Variants in TRRAP observed in about 807,000 individuals in gnomAD.
TRRAP encodes transformation/transcription domain associated protein.
TRRAP carries 41 observed loss-of-function variants against 438.8 expected under a neutral mutation model. That is an observed-to-expected ratio of 0.09 (90% CI 0.07 to 0.12). The LOEUF (loss-of-function observed/expected upper bound fraction) is 0.12. TRRAP is among the 10% of genes least tolerant of loss of function. The probability of loss-of-function intolerance (pLI) is 1.00; values close to 1 mark genes in which losing one functional copy is unlikely to be tolerated. For synonymous variants in TRRAP, 1,994 were observed against 1,962.9 expected (o/e 1.02, Z -0.42); for missense variants, 3,122 against 5,055.1 (o/e 0.62, Z 11.60).
At chr7:99,010,339 A>G (rs777724578) in intron 70 of TRRAP, among the ~76,000 whole-genome samples, 6 of 152,244 alleles carry the variant, frequency 3.9e-5, no homozygotes, top group Non-Finnish European at 8.8e-5. Flanking sequence ...ACTCCTTTGC[A>G]GTCTCAGAAG....
intron 45 of TRRAP, among the ~76,000 whole-genome samples, chr7:98,960,759 TTGTGTG>T (rs35384186): frequency 1.4e-4 from 21 of 144,906 alleles, no homozygotes; most frequent in Non-Finnish European, 2.6e-4. Flanking sequence ...GCCTGGCTTT[TTGTGTG>T]TGTGTGTGTG....
intron 4 of TRRAP, 51 bp downstream of exon 4, chr7:98,890,496 C>T: frequency 7.4e-7 from 1 of 1,345,406 alleles, no homozygotes. Context: ...GGATTGTGAC[C>T]AGTTACGAAT....
At chr7:98,906,093 G>A in intron 12 of TRRAP, 84 bp from the exon 13 acceptor site, 2 of 1,244,362 alleles carry the variant, frequency 1.6e-6, no homozygotes, top group Non-Finnish European at 2.3e-6. Flanking sequence ...CTGGCGGGCT[G>A]GCTACTTCGA....
In TRRAP at chr7:98,994,328, A is replaced by C. The variant is rs573093906; in HGVS notation, c.10048-259A>C. ...ATCGCAGACGGGTGTATGATCCAAA[A>C]AAGTGGGGCTTTTCTGTTTTCGCTT... On this transcript the variant is annotated intron_variant, in intron 66 of 72. Coordinates refer to ENST00000456197, the MANE Select transcript of TRRAP (RefSeq NM_001375524.1). The surrounding 1 kb of genome is among the most constrained non-coding windows in gnomAD (Gnocchi z 4.8). Among the ~76,000 whole-genome samples the C allele has an allele frequency of 6.6e-6, 1 of 152,286 alleles. No individual in the cohort carries two copies. Among genetic ancestry groups the C allele is most frequent in the African/African-American group, 2.4e-5 (1 of 41,558 alleles).
At chr7:98,924,308 G>A (rs1789933673) in intron 21 of TRRAP, among the ~76,000 whole-genome samples, 1 of 152,136 alleles carries the variant, frequency 6.6e-6, no homozygotes. Context: ...GCCTCTTTTG[G>A]AAGCTTCACC....
chr7:98,982,048 G>A lies in TRRAP; in HGVS notation c.8826+88G>A, dbSNP rs913375234. On this transcript the variant is annotated intron_variant, in intron 59 of 72. Coordinates refer to ENST00000456197, the MANE Select transcript of TRRAP (RefSeq NM_001375524.1). ...CAGGCTTAGGTCTGCAGACTGCTCC[G>A]GACAGCAGAGATGAAACTCCTTCTG... 1.5e-5 allele frequency: 19 copies of A among 1,305,718 alleles called. No homozygotes were observed. The South Asian group carries it at 2.2e-4, about 15-fold the overall frequency. The allele number at this position is 1,305,718 out of a possible 1,614,324, so 80.9% of individuals were successfully genotyped here. A position where few individuals can be genotyped will look rare whatever the true frequency, so the allele number is the denominator to read the frequency against.
At chr7:98,929,570 CAGT>C (rs1329765181) in intron 23 of TRRAP, among the ~76,000 whole-genome samples, 3 of 151,936 alleles carry the variant, frequency 2.0e-5, no homozygotes, top group African/African-American at 4.8e-5. Flanking sequence ...CTTGAAATCT[CAGT>C]GGTGGCTTTT....
intron 23 of TRRAP, 24 bp from the exon 24 acceptor site, chr7:98,929,965 G>C (rs377124763): frequency 6.2e-7 from 1 of 1,611,226 alleles, no homozygotes; most frequent in Non-Finnish European, 8.5e-7. Flanking sequence ...CTGTTCTCAC[G>C]TGCCTTCCCA....
intron 61 of TRRAP, 80 bp downstream of exon 61, chr7:98,984,438 G>A: frequency 2.0e-6 from 3 of 1,463,518 alleles, no homozygotes; most frequent in Non-Finnish European, 2.7e-6. Flanking sequence ...GGGTCTCCTG[G>A]TTCAGAATAT....
At position 98,895,831 on chromosome 7, in the gene TRRAP, A is replaced by C; in HGVS notation, c.507+11A>C. 1 of 1,595,726 alleles carries C rather than the reference A, an allele frequency of 6.3e-7. No homozygotes were observed. The highest frequency in any genetic ancestry group is 8.5e-7 in the Non-Finnish European group (1 of 1,171,270). On this transcript the variant is annotated intron_variant, in intron 7 of 72. Transcript: ENST00000456197. Reference sequence around the variant, plus strand: ...CTTCCAAAAGTAGTGGTATGTTTTTACTTTGGTTTTAATTAGTTACATTTG... The same window carrying C: ...CTTCCAAAAGTAGTGGTATGTTTTTCCTTTGGTTTTAATTAGTTACATTTG...
At chr7:98,918,213 A>C (rs1789605934) in intron 20 of TRRAP, among the ~76,000 whole-genome samples, 1 of 145,954 alleles carries the variant, frequency 6.9e-6, no homozygotes. Context: ...GAGAGCCTTC[A>C]CGAGGGTTAT....
intron 20 of TRRAP, among the ~76,000 whole-genome samples, chr7:98,918,254 A>G (rs1281743689): frequency 7.1e-5 from 8 of 112,796 alleles, no homozygotes; most frequent in African/African-American, 3.0e-4. Flanking sequence ...TTTTTGTGAT[A>G]GAGTCTTGCT....
intron 27 of TRRAP, 88 bp from the exon 28 acceptor site, chr7:98,935,491 G>A (rs782766287): frequency 8.8e-6 from 10 of 1,138,872 alleles, no homozygotes; most frequent in Non-Finnish European, 1.3e-5. Flanking sequence ...GTTGCAGTGT[G>A]TGGAAGATTG....
chr7:98,910,730 C>A, intron 16 of TRRAP, 123 bp downstream of exon 16: 1 of 791,666 alleles, frequency 1.3e-6, no homozygotes, highest in Non-Finnish European at 2.0e-6. Context: ...ATTTGTATAC[C>A]CAGATGTGTT....
chr7:99,008,705 A>G lies in TRRAP; in HGVS notation c.10938+144A>G, dbSNP rs1007799493. ...CATTTAAAGTAACTTTATTAGACTC[A>G]TGAGATGGTGGAAATGAGACAGCTA... On this transcript the variant is annotated intron_variant, in intron 70 of 72. Transcript: ENST00000456197. 9.9e-6 allele frequency: 9 copies of G among 905,736 alleles called. No homozygotes were observed. The African/African-American group carries it at 1.0e-4, about 10-fold the overall frequency. 56.1% of individuals were successfully genotyped at this position (905,736 alleles called of 1,614,324 possible).
intron 21 of TRRAP, among the ~76,000 whole-genome samples, chr7:98,924,881 G>A (rs966536418): frequency 1.3e-5 from 2 of 151,214 alleles, no homozygotes; most frequent in Non-Finnish European, 2.9e-5. Context: ...GCGGGCACCT[G>A]TAGTCCCAGC....
chr7:98,918,573 A>G (rs891848197), intron 20 of TRRAP, among the ~76,000 whole-genome samples: 7 of 152,040 alleles, frequency 4.6e-5, no homozygotes, highest in Admixed American at 3.9e-4. Flanking sequence ...GGCAGGTGTT[A>G]TGGTTACTAT....
At chr7:98,971,760 C>CTT in intron 52 of TRRAP, 39 bp from the exon 53 acceptor site, 1 of 1,603,558 alleles carries the variant, frequency 6.2e-7, no homozygotes, top group Non-Finnish European at 8.5e-7. Context: ...TTCTTGAAGC[C>CTT]TTTGACCTTT....
chr7:98,922,032 A>G (rs1371356087), intron 21 of TRRAP, 79 bp downstream of exon 21: 1 of 1,575,680 alleles, frequency 6.3e-7, no homozygotes, highest in Non-Finnish European at 8.7e-7. Context: ...TGTTAATTAG[A>G]CCTGTGTCTT....
Sources: allele counts gnomAD v4.1 joint callset (sites outside exome capture counted in the v4.1 genomes callset), GRCh38; gene constraint gnomAD v4.1.1; non-coding constraint Gnocchi (gnomAD v3.1); transcripts MANE v1.5; gene names NCBI Gene and HGNC (gene_info 2026-07-23, HGNC 2026-07-21).